KCNK6: variants seen among roughly 807,000 people sequenced by gnomAD.
KCNK6 encodes potassium channel subfamily K member 6.
A neutral mutation model predicts 21.9 loss-of-function variants in KCNK6; 20 were observed. The observed-to-expected ratio is 0.91, with a 90% CI of 0.64 to 1.32. The LOEUF is 1.32. KCNK6 is among the 40% of genes most tolerant of loss of function. KCNK6 has a pLI of 0.00. For missense variants in KCNK6, 415 were observed against 433.1 expected, an observed-to-expected ratio of 0.96 and a Z score of 0.37; for synonymous variants, 210 against 218.0, an observed-to-expected ratio of 0.96 and a Z score of 0.32.
chr19:38,320,453 G>A (rs570065532), intron 1 of KCNK6, among the ~76,000 whole-genome samples, 181 bp downstream of exon 1: 2 of 152,134 alleles, frequency 1.3e-5, no homozygotes, highest in African/African-American at 2.4e-5. Flanking sequence ...TCTGCTCGGG[G>A]AGCCCAAGTC....
intron 1 of KCNK6, among the ~76,000 whole-genome samples, chr19:38,320,684 G>T (rs557430752): frequency 6.6e-6 from 1 of 151,952 alleles, no homozygotes; most frequent in Non-Finnish European, 1.5e-5. Flanking sequence ...TCAGCCTGCC[G>T]AGTAGCTGGG....
Position 38,320,048 on chromosome 19 carries a change from A to C in KCNK6, c.98A>C (p.Glu33Ala). The C allele has an allele frequency of 6.6e-7, 1 of 1,506,870 alleles. No homozygotes were observed. Among genetic ancestry groups the C allele is most frequent in the Admixed American group, 2.1e-5 (1 of 47,420 alleles). The allele number at this position is 1,506,870 out of a possible 1,614,324, so 93.3% of individuals were successfully genotyped here. ...GTGGCGCGGCTGGAGGGGCCGCACG[A>C]AGCCAGGCTCCGAGCCGAGCTGGAG... ...LLVARLEGPH[E>A]ARLRAELETL... The change falls in exon 1 of 3, where the codon GAA becomes GCA. Residue 33 changes from glutamate to alanine, a missense_variant. Transcript: ENST00000263372.
intron 1 of KCNK6, among the ~76,000 whole-genome samples, chr19:38,324,536 C>T (rs1969686602): frequency 6.6e-6 from 1 of 152,142 alleles, no homozygotes; most frequent in Non-Finnish European, 1.5e-5. Flanking sequence ...CATGTCTGTG[C>T]TCCAGCCAGC....
rs1246336652 is a variant in KCNK6 at position 38,320,109 on chromosome 19, T to G, written c.159T>G (p.Cys53Trp). The G allele has an allele frequency of 1.9e-6, 3 of 1,572,434 alleles. No homozygotes were observed. Among genetic ancestry groups the G allele is most frequent in the Non-Finnish European group, 2.6e-6 (3 of 1,167,102 alleles). The change falls in exon 1 of 3, where the codon TGT becomes TGG. Residue 53 changes from cysteine (C) to tryptophan (W), a missense_variant. By Grantham distance (215) the Cys-to-Trp change is radical (BLOSUM62 -2). Transcript: ENST00000263372. Reference protein sequence around the residue: ...LRAQLLQRSPCVAAPALDAFV... With the variant: ...LRAQLLQRSPWVAAPALDAFV... ...CGCAGCTGCTTCAGCGCAGCCCGTGTGTGGCTGCCCCCGCCCTGGACGCCT... is the reference window on the plus strand; with the variant it reads ...CGCAGCTGCTTCAGCGCAGCCCGTGGGTGGCTGCCCCCGCCCTGGACGCCT...
chr19:38,327,057 A>G (rs1600426523), intron 2 of KCNK6, 69 bp downstream of exon 2: 7 of 1,560,630 alleles, frequency 4.5e-6, no homozygotes, highest in Non-Finnish European at 5.2e-6. Flanking sequence ...TTAAAGGCTC[A>G]CAGTCCCACT....
chr19:38,326,804 G>A lies in KCNK6; in HGVS notation c.534G>A (p.Gly178=), dbSNP rs1455366685. The A allele has an allele frequency of 1.2e-6, 2 of 1,607,130 alleles. No individual in the cohort carries two copies. The highest frequency in any genetic ancestry group is 1.3e-5 in the African/African-American group (1 of 75,068). ...AACWHLVALL[G]VVVTVCFLVP... is the part of the protein sequence containing the mutation. The stretch of plus-strand genomic sequence containing the variant: ...GCTGGCACTTGGTGGCCCTGTTGGG[G>A]GTCGTAGTGACCGTCTGCTTTCTGG... The change falls in exon 2 of 3, where the codon GGG becomes GGA. Residue 178 remains glycine (G), a synonymous_variant. Coordinates refer to ENST00000263372, the MANE Select transcript of KCNK6 (RefSeq NM_004823.3).
rs77219651 is a variant in KCNK6 at position 38,323,911 on chromosome 19, G to A, written c.323-2682G>A. Among the ~76,000 whole-genome samples the A allele has an allele frequency of 5.8e-3, 869 of 150,798 alleles. 11 individuals carry two copies. The highest frequency in any genetic ancestry group is 0.02 in the African/African-American group (813 of 41,040). On this transcript the variant is annotated intron_variant, in intron 1 of 2. Coordinates refer to ENST00000263372, the MANE Select transcript of KCNK6 (RefSeq NM_004823.3). ...GCCTGGCCAGGAAGGGATTGCTTAC[G>A]AGCCCATTTTTGCAGAGAGGGAACT... is the stretch of plus-strand genomic sequence containing the variant.
chr19:38,321,506 G>A (rs1362152058), intron 1 of KCNK6, among the ~76,000 whole-genome samples: 2 of 152,218 alleles, frequency 1.3e-5, no homozygotes, highest in African/African-American at 2.4e-5. Context: ...GAGGGACCCC[G>A]AGTTTTGGGA....
rs1969730197 is a variant in KCNK6, at chr19:38,327,889, T to C, written c.*486T>C. 5.0e-6 allele frequency: 1 copy of C among 201,634 alleles called. No individual in the cohort carries two copies. The highest frequency in any genetic ancestry group is 5.4e-5 in the Admixed American group (1 of 18,592). The allele number at this position is 201,634 out of a possible 1,614,324, so 12.5% of individuals were successfully genotyped here. A position where few individuals can be genotyped will look rare whatever the true frequency, so the allele number is the denominator to read the frequency against. The stretch of plus-strand genomic sequence containing the variant: ...TTCCTCAGCTGCCAAATGGGAAGAA[T>C]AGAAGAATTTGCCCCTAAACCCCTC... On this transcript the variant is annotated 3_prime_UTR_variant, in exon 3 of 3. Transcript: ENST00000263372.
intron 1 of KCNK6, among the ~76,000 whole-genome samples, chr19:38,323,653 T>G (rs1969677135): frequency 6.6e-6 from 1 of 152,154 alleles, no homozygotes; most frequent in Non-Finnish European, 1.5e-5. Flanking sequence ...CAGGCTAGAG[T>G]GCAGTGGCGC....
intron 1 of KCNK6, among the ~76,000 whole-genome samples, chr19:38,322,745 G>A (rs991612809): frequency 6.6e-6 from 1 of 152,016 alleles, no homozygotes; most frequent in Non-Finnish European, 1.5e-5. Context: ...AACCTGGGAG[G>A]CAGAGGTTGC....
Position 38,319,954 on chromosome 19 carries a change from C to A in KCNK6, c.4C>A (p.Arg2=). 1 of 1,447,178 alleles carries A rather than the reference C, an allele frequency of 6.9e-7. No homozygotes were observed. The highest frequency in any genetic ancestry group is 2.8e-5 in the Admixed American group (1 of 35,652). The allele number at this position is 1,447,178 out of a possible 1,614,324, so 89.6% of individuals were successfully genotyped here. ...TCGCGGGGTCCCGGTGGGTGCCATGCGGAGGGGCGCGCTTCTGGCGGGCGC... is the reference window on the plus strand; with the variant it reads ...TCGCGGGGTCCCGGTGGGTGCCATGAGGAGGGGCGCGCTTCTGGCGGGCGC... M[R]RGALLAGALA... The change falls in exon 1 of 3, where the codon CGG becomes AGG. Residue 2 remains arginine, a synonymous_variant. Coordinates refer to ENST00000263372, the MANE Select transcript of KCNK6 (RefSeq NM_004823.3).
intron 1 of KCNK6, among the ~76,000 whole-genome samples, chr19:38,324,558 G>A (rs75497685): frequency 0.015 from 2,337 of 152,206 alleles, 55 homozygotes; most frequent in African/African-American, 0.053. Context: ...AGAGGAGGGA[G>A]GAAAGAAGGG....
chr19:38,319,865 G>C lies in KCNK6; in HGVS notation c.-86G>C. 7.9e-7 allele frequency: 1 copy of C among 1,270,570 alleles called. No homozygotes were observed. The highest frequency in any genetic ancestry group is 1.0e-6 in the Non-Finnish European group (1 of 990,090). 78.7% of individuals were successfully genotyped at this position (1,270,570 alleles called of 1,614,324 possible). On this transcript the variant is annotated 5_prime_UTR_variant, in exon 1 of 3. Coordinates refer to ENST00000263372, the MANE Select transcript of KCNK6 (RefSeq NM_004823.3). ...CTGCTGCCGCGCCTGTAGCACTCCCGGAACTGGAACTAGGTGCCAGACGGT... is the reference window on the plus strand; with the variant it reads ...CTGCTGCCGCGCCTGTAGCACTCCCCGAACTGGAACTAGGTGCCAGACGGT...
chr19:38,320,554 TTTTTC>T (rs1270080794), intron 1 of KCNK6, among the ~76,000 whole-genome samples: 2 of 151,548 alleles, frequency 1.3e-5, no homozygotes, highest in Non-Finnish European at 2.9e-5. Context: ...GTCTTTTTTT[TTTTTC>T]TTTTCTTTTT....
chr19:38,324,087 C>A (rs910471988), intron 1 of KCNK6, among the ~76,000 whole-genome samples: 1 of 151,954 alleles, frequency 6.6e-6, no homozygotes, highest in African/African-American at 2.4e-5. Flanking sequence ...ATAAAGATCT[C>A]TTTTATTATT....
Position 38,326,481 on chromosome 19 carries a change from T to C in KCNK6, c.323-112T>C, listed in dbSNP as rs1164902076. The C allele has an allele frequency of 2.4e-6, 3 of 1,269,362 alleles. No individual in the cohort carries two copies. In the East Asian group the frequency reaches 7.0e-5, roughly 30 times the overall value. The allele number at this position is 1,269,362 out of a possible 1,614,324, so 78.6% of individuals were successfully genotyped here. Reference sequence around the variant, plus strand: ...TGGTAGGATCACTTAGGTCCAGGAGTTCAAGACTGCAGTAAGCTATGATGG... The same window carrying C: ...TGGTAGGATCACTTAGGTCCAGGAGCTCAAGACTGCAGTAAGCTATGATGG... On this transcript the variant is annotated intron_variant, in intron 1 of 2. Coordinates refer to ENST00000263372, the MANE Select transcript of KCNK6 (RefSeq NM_004823.3).
chr19:38,324,643 G>A (rs1969688010), intron 1 of KCNK6, among the ~76,000 whole-genome samples: 2 of 152,194 alleles, frequency 1.3e-5, no homozygotes, highest in South Asian at 4.1e-4. Flanking sequence ...TCATTGGCCA[G>A]AGATTAGTCA....
At position 38,319,992 on chromosome 19, in the gene KCNK6, C is replaced by T. The variant is rs1969628150; in HGVS notation, c.42C>T (p.Tyr14=). ...GALLAGALAA[Y]AAYLVLGALL... ...TTCTGGCGGGCGCCTTGGCCGCGTACGCCGCGTACCTGGTGCTGGGCGCGC... is the reference window on the plus strand; with the variant it reads ...TTCTGGCGGGCGCCTTGGCCGCGTATGCCGCGTACCTGGTGCTGGGCGCGC... Residue 14 remains tyrosine (Y), a synonymous_variant, in exon 1 of 3, where the codon TAC becomes TAT. Transcript: ENST00000263372. 1 of 1,476,064 alleles carries T rather than the reference C, an allele frequency of 6.8e-7. No individual in the cohort carries two copies. Among genetic ancestry groups the T allele is most frequent in the Non-Finnish European group, 8.9e-7 (1 of 1,123,718 alleles). 91.4% of individuals were successfully genotyped at this position (1,476,064 alleles called of 1,614,324 possible).
Sources: allele counts gnomAD v4.1 joint callset (sites outside exome capture counted in the v4.1 genomes callset), GRCh38; gene constraint gnomAD v4.1.1; transcripts MANE v1.5; gene names NCBI Gene and HGNC (gene_info 2026-07-23, HGNC 2026-07-21).